Variants in BCL2A1 observed in about 807,000 individuals in gnomAD.
The protein encoded by BCL2A1 is bcl-2-related protein A1.
BCL2A1 carries 10 observed loss-of-function variants against 14.4 expected under a neutral mutation model. The ratio of observed to expected loss-of-function variants is 0.69; its 90% CI spans 0.43 to 1.18. The LOEUF (loss-of-function observed/expected upper bound fraction) is 1.18, where lower values mean the gene tolerates loss of function less well. BCL2A1 is among the 50% of genes most tolerant of loss of function. The pLI, the probability that BCL2A1 is intolerant of heterozygous loss-of-function variation, is 0.00. For missense variants in BCL2A1, 158 were observed against 205.0 expected, an observed-to-expected ratio of 0.77 and a Z score of 1.40; for synonymous variants, 71 against 76.5, an observed-to-expected ratio of 0.93 and a Z score of 0.38.
Position 79,967,835 on chromosome 15 carries a change from C to G in BCL2A1, c.420+2865G>C, listed in dbSNP as rs1343529453. 2.7e-5 allele frequency: 16 copies of G among 599,064 alleles called. No homozygotes were observed. The East Asian group carries it at 4.5e-4, about 17-fold the overall frequency. 37.1% of individuals were successfully genotyped at this position (599,064 alleles called of 1,614,324 possible). A position where few individuals can be genotyped will look rare whatever the true frequency, so the allele number is the denominator to read the frequency against. ...ATCGTTGACAGAATCAATGTCTCAT[C>G]TGAGCTGGGAAAGCGGCATGGAGAT... On this transcript the variant is annotated intron_variant, in intron 1 of 1. Coordinates refer to ENST00000267953, the MANE Select transcript of BCL2A1 (RefSeq NM_004049.4).
At chr15:79,967,522 G>A (rs971677278) in intron 1 of BCL2A1, 34 of 1,172,826 alleles carry the variant, frequency 2.9e-5, no homozygotes, top group Admixed American at 9.0e-5. Flanking sequence ...GGCACATACC[G>A]CATTGTTGAT....
intron 1 of BCL2A1, among the ~76,000 whole-genome samples, chr15:79,965,231 A>C (rs1179722877): frequency 1.3e-5 from 2 of 152,034 alleles, no homozygotes; most frequent in African/African-American, 4.8e-5. Flanking sequence ...GGGTTCAAGC[A>C]ATTCTCCTGC....
intron 1 of BCL2A1, among the ~76,000 whole-genome samples, chr15:79,968,431 C>CTACTT (rs1452657203): frequency 1.3e-5 from 2 of 152,120 alleles, no homozygotes; most frequent in Non-Finnish European, 2.9e-5. Context: ...CAGTCAGGCT[C>CTACTT]AGTTAGAAAG....
At chr15:79,965,662 T>C (rs2035534964) in intron 1 of BCL2A1, among the ~76,000 whole-genome samples, 1 of 152,168 alleles carries the variant, frequency 6.6e-6, no homozygotes, top group African/African-American at 2.4e-5. Context: ...GTTAGAGAAC[T>C]AGCACTTAAG....
At chr15:79,964,153 C>T (rs1207203700) in intron 1 of BCL2A1, among the ~76,000 whole-genome samples, 1 of 152,074 alleles carries the variant, frequency 6.6e-6, no homozygotes, top group East Asian at 1.9e-4. Context: ...AATATCCTAT[C>T]AGTAATGTAG....
In BCL2A1 at chr15:79,971,131, TG is replaced by T. The variant is rs773390271; in HGVS notation, c.-13del. ...TCACAGTCTGTCATCTTCTGCCTGG[TG>T]GAGAGCAAAGTCTTGAGCTGGCTCA... On this transcript the variant is annotated 5_prime_UTR_variant, in exon 1 of 2. Transcript: ENST00000267953. 78 of 1,609,552 alleles carry T rather than the reference TG, an allele frequency of 4.8e-5. No individual in the cohort carries two copies. The highest frequency in any genetic ancestry group is 6.5e-5 in the Non-Finnish European group (77 of 1,177,136).
chr15:79,964,602 C>T lies in BCL2A1; in HGVS notation c.421-3428G>A, dbSNP rs545404626. On this transcript the variant is annotated intron_variant, in intron 1 of 1. Coordinates refer to ENST00000267953, the MANE Select transcript of BCL2A1 (RefSeq NM_004049.4). ...CACATGCCAGGTACCATTTAAAGCA[C>T]TGGAAACACAGTGGTGAAGAAAGCA... 2.1e-4 allele frequency among the ~76,000 whole-genome samples: 32 copies of T among 152,298 alleles called. No homozygotes were observed. The South Asian group carries it at 6.4e-3, about 31-fold the overall frequency.
intron 1 of BCL2A1, among the ~76,000 whole-genome samples, chr15:79,964,793 G>T (rs1389146840): frequency 6.6e-6 from 1 of 152,228 alleles, no homozygotes; most frequent in East Asian, 1.9e-4. Flanking sequence ...CTCAGTTGGG[G>T]TGATCAAGGA....
At chr15:79,970,204 G>A (rs538722573) in intron 1 of BCL2A1, among the ~76,000 whole-genome samples, 1 of 152,056 alleles carries the variant, frequency 6.6e-6, no homozygotes, top group Non-Finnish European at 1.5e-5. Flanking sequence ...TATTTATTAT[G>A]TATTAGTAAA....
chr15:79,965,276 C>T (rs565335857), intron 1 of BCL2A1, among the ~76,000 whole-genome samples: 9 of 152,012 alleles, frequency 5.9e-5, no homozygotes, highest in East Asian at 1.9e-4. Flanking sequence ...TACAGGCATG[C>T]GCCACCACGC....
In BCL2A1 at chr15:79,961,134, C is replaced by T; in HGVS notation, c.461G>A (p.Trp154Ter). The T allele has an allele frequency of 6.2e-7, 1 of 1,614,070 alleles. No individual in the cohort carries two copies. The highest frequency in any genetic ancestry group is 8.5e-7 in the Non-Finnish European group (1 of 1,179,976). The change falls in exon 2 of 2, where the codon TGG (tryptophan) becomes TAG (stop). Residue 154 changes from tryptophan to a stop codon, truncating the protein, a stop_gained. Transcript: ENST00000267953. LOFTEE classifies it high-confidence loss of function. ...FVKKFEPKSGWMTFLEVTGKI... is the reference protein window; with the variant it reads ...FVKKFEPKSG ...TCCTGTAACTTCTAGAAAAGTCATC[C>T]AGCCAGATTTAGGTTCAAACTTCTT...
intron 1 of BCL2A1, among the ~76,000 whole-genome samples, chr15:79,967,473 C>T (rs995532671): frequency 1.3e-5 from 2 of 152,164 alleles, no homozygotes; most frequent in Non-Finnish European, 2.9e-5. Flanking sequence ...ACCTCAGCCT[C>T]CCAAAGCGCT....
chr15:79,961,273 ATC>A, intron 1 of BCL2A1, 99 bp from the exon 2 acceptor site: 1 of 1,145,456 alleles, frequency 8.7e-7, no homozygotes, highest in Non-Finnish European at 1.3e-6. Flanking sequence ...CAAATAGTTA[ATC>A]TTCTACCCCT....
At chr15:79,965,981 A>C (rs2035537583) in intron 1 of BCL2A1, among the ~76,000 whole-genome samples, 1 of 151,756 alleles carries the variant, frequency 6.6e-6, no homozygotes, top group South Asian at 2.1e-4. Context: ...AAAAGAAAAA[A>C]AACCTCTTGA....
intron 1 of BCL2A1, among the ~76,000 whole-genome samples, chr15:79,970,210 G>C (rs2035580898): frequency 6.6e-6 from 1 of 151,886 alleles, no homozygotes; most frequent in African/African-American, 2.4e-5. Flanking sequence ...TTATGTATTA[G>C]TAAACTGAAA....
chr15:79,961,619 C>T (rs1567022593), intron 1 of BCL2A1, among the ~76,000 whole-genome samples: 1 of 152,072 alleles, frequency 6.6e-6, no homozygotes, highest in East Asian at 1.9e-4. Context: ...TTCAATTGTC[C>T]AACATTGATT....
At chr15:79,969,717 A>G (rs999501921) in intron 1 of BCL2A1, among the ~76,000 whole-genome samples, 1 of 152,240 alleles carries the variant, frequency 6.6e-6, no homozygotes, top group African/African-American at 2.4e-5. Context: ...AAACATATAC[A>G]TAAGCATACA....
In BCL2A1 at chr15:79,971,074, A is replaced by G. The variant is rs1338698089; in HGVS notation, c.46T>C (p.Tyr16His). The G allele has an allele frequency of 6.2e-7, 1 of 1,614,174 alleles. No homozygotes were observed. Among genetic ancestry groups the G allele is most frequent in the South Asian group, 1.1e-5 (1 of 91,078 alleles). The change falls in exon 1 of 2, where the codon TAT (tyrosine) becomes CAT (histidine). Residue 16 changes from tyrosine to histidine, a missense_variant. Coordinates refer to ENST00000267953, the MANE Select transcript of BCL2A1 (RefSeq NM_004049.4). ...FGYIYRLAQD[Y>H]LQCVLQIPQP... ...GGTATCTGTAGGACGCACTGCAGATAGTCCTGAGCCAGCCTGTAAATATAT... is the reference window on the plus strand; with the variant it reads ...GGTATCTGTAGGACGCACTGCAGATGGTCCTGAGCCAGCCTGTAAATATAT...
intron 1 of BCL2A1, among the ~76,000 whole-genome samples, chr15:79,966,721 A>G (rs1419676350): frequency 6.6e-6 from 1 of 150,936 alleles, no homozygotes; most frequent in Admixed American, 6.6e-5. Flanking sequence ...AGCACTTCCA[A>G]TTAGGAGAGC....
Sources: allele counts gnomAD v4.1 joint callset (sites outside exome capture counted in the v4.1 genomes callset), GRCh38; gene constraint gnomAD v4.1.1; transcripts MANE v1.5; gene names NCBI Gene and HGNC (gene_info 2026-07-23, HGNC 2026-07-21).